The following DOCK2 variants were observed in gnomAD, a reference collection of about 807,000 sequenced individuals.
DOCK2 encodes the protein dedicator of cytokinesis 2.
DOCK2 carries 87 observed loss-of-function variants against 248.9 expected under a neutral mutation model. The observed-to-expected ratio is 0.35, with a 90% CI of 0.29 to 0.42. The LOEUF is 0.42. Ranked by LOEUF, DOCK2 falls within the 10% of genes least tolerant of loss-of-function variation. The pLI, the probability that DOCK2 is intolerant of heterozygous loss-of-function variation, is 1.00. For missense variants in DOCK2, 1,747 were observed against 2,300.2 expected (o/e 0.76, Z 4.92); for synonymous variants, 805 against 821.6 (o/e 0.98, Z 0.35).
chr5:169,654,801 T>C (rs1758011677), intron 2 of DOCK2, among the ~76,000 whole-genome samples: 1 of 152,182 alleles, frequency 6.6e-6, no homozygotes, highest in Non-Finnish European at 1.5e-5. Flanking sequence ...TAAAGGGAAA[T>C]AAGCATCATT....
chr5:169,935,327 G>A (rs960747469), intron 27 of DOCK2, among the ~76,000 whole-genome samples: 1 of 152,218 alleles, frequency 6.6e-6, no homozygotes, highest in African/African-American at 2.4e-5. Context: ...CCATGCCTGT[G>A]TAGGGAAACT....
intron 47 of DOCK2, 62 bp downstream of exon 47, chr5:170,076,146 C>T: frequency 6.4e-7 from 1 of 1,572,244 alleles, no homozygotes; most frequent in South Asian, 1.2e-5. Flanking sequence ...GGGAAGCATG[C>T]TGGAGGCTGA....
At position 169,684,258 on chromosome 5, in the gene DOCK2, C is replaced by T; in HGVS notation, c.669C>T (p.Leu223=). ...TCTCCTCATCCCCCACCCATAGCCTCTATGTGTTTGTGAGAAACTTTGTGT... is the reference window on the plus strand; with the variant it reads ...TCTCCTCATCCCCCACCCATAGCCTTTATGTGTTTGTGAGAAACTTTGTGT... The part of the protein sequence containing the change: ...SRISSSPTHS[L]YVFVRNFVCR... Residue 223 remains leucine (L), a synonymous_variant, in exon 8 of 52, where the codon CTC becomes CTT. Coordinates refer to ENST00000520908, the MANE Select transcript of DOCK2 (RefSeq NM_004946.3). The T allele has an allele frequency of 1.2e-6, 2 of 1,614,176 alleles. No homozygotes were observed. Among genetic ancestry groups the T allele is most frequent in the Non-Finnish European group, 8.5e-7 (1 of 1,180,018 alleles).
chr5:170,057,835 T>TC (rs1757188257), intron 44 of DOCK2, among the ~76,000 whole-genome samples, 169 bp downstream of exon 44: 1 of 90,370 alleles, frequency 1.1e-5, no homozygotes, highest in Non-Finnish European at 2.4e-5. Context: ...CCTTTCAGAT[T>TC]TTTTTTTTTT....
intron 25 of DOCK2, among the ~76,000 whole-genome samples, chr5:169,799,852 G>T (rs1766861986): frequency 6.6e-6 from 1 of 152,050 alleles, no homozygotes; most frequent in South Asian, 2.1e-4. Flanking sequence ...CTGTCGCCCA[G>T]GCTGGTGTGT....
intron 27 of DOCK2, among the ~76,000 whole-genome samples, chr5:169,900,457 G>A (rs1773858835): frequency 6.6e-6 from 1 of 152,190 alleles, no homozygotes; most frequent in African/African-American, 2.4e-5. Context: ...AATGTCAGGA[G>A]AAGACTGGCT....
intron 26 of DOCK2, among the ~76,000 whole-genome samples, chr5:169,827,286 G>A (rs957338608): frequency 6.6e-6 from 1 of 152,032 alleles, no homozygotes; most frequent in Non-Finnish European, 1.5e-5. Flanking sequence ...GCAGGGGGTT[G>A]GAGAGGAGCT....
At chr5:170,022,692 G>A (rs1755771723) in intron 33 of DOCK2, among the ~76,000 whole-genome samples, 1 of 152,062 alleles carries the variant, frequency 6.6e-6, no homozygotes, top group South Asian at 2.1e-4. Flanking sequence ...CCTGGATTGA[G>A]CGGTCATCAC....
At chr5:169,979,027 A>T (rs1458876508) in intron 27 of DOCK2, among the ~76,000 whole-genome samples, 1 of 152,220 alleles carries the variant, frequency 6.6e-6, no homozygotes, top group African/African-American at 2.4e-5. Context: ...CCATCCTGGC[A>T]TGCTGCTTGG....
At chr5:169,734,255 T>C (rs1762924392) in intron 22 of DOCK2, among the ~76,000 whole-genome samples, 1 of 152,140 alleles carries the variant, frequency 6.6e-6, no homozygotes, top group South Asian at 2.1e-4. Context: ...TTTGTTTTTA[T>C]AATATTTTGT....
intron 33 of DOCK2, 31 bp downstream of exon 33, chr5:170,019,139 C>G (rs750534949): frequency 1.9e-6 from 3 of 1,613,524 alleles, no homozygotes; most frequent in Non-Finnish European, 2.5e-6. Context: ...CTCATGCCAG[C>G]ATGCCTAATC....
At chr5:169,934,748 A>C (rs1486272818) in intron 27 of DOCK2, 1 of 455,826 alleles carries the variant, frequency 2.2e-6, no homozygotes, top group Non-Finnish European at 4.4e-6. Flanking sequence ...TCACGGGATC[A>C]GTGCTCAGTA....
chr5:170,064,390 C>T (rs538231765), intron 44 of DOCK2, among the ~76,000 whole-genome samples: 15 of 151,640 alleles, frequency 9.9e-5, no homozygotes, highest in South Asian at 4.2e-4. Context: ...AAGAACAAAC[C>T]GAGAATTCTA....
intron 27 of DOCK2, among the ~76,000 whole-genome samples, chr5:169,961,978 C>CTAAA (rs1777104664): frequency 1.3e-5 from 1 of 74,654 alleles, no homozygotes; most frequent in African/African-American, 6.8e-5. Flanking sequence ...GACTCTGTCC[C>CTAAA]AAAAAAAAAA....
intron 29 of DOCK2, among the ~76,000 whole-genome samples, chr5:169,995,752 GTTTA>G (rs1409376554): frequency 3.3e-5 from 5 of 152,108 alleles, no homozygotes; most frequent in African/African-American, 7.2e-5. Context: ...GTAGCAGGTT[GTTTA>G]TTTGTTTGTT....
intron 25 of DOCK2, among the ~76,000 whole-genome samples, chr5:169,772,558 G>A (rs142614682): frequency 1.3e-5 from 2 of 152,300 alleles, no homozygotes; most frequent in African/African-American, 2.4e-5. Context: ...ACAGTTGTGA[G>A]ATCTTGGGCA....
At chr5:169,743,935 A>C in intron 22 of DOCK2, among the ~76,000 whole-genome samples, 1 of 149,430 alleles carries the variant, frequency 6.7e-6, no homozygotes, top group East Asian at 1.9e-4. Flanking sequence ...ATATTATTAT[A>C]TATATATATG....
intron 1 of DOCK2, among the ~76,000 whole-genome samples, chr5:169,648,230 G>A (rs773870122): frequency 1.3e-5 from 2 of 152,098 alleles, no homozygotes; most frequent in Non-Finnish European, 2.9e-5. Flanking sequence ...ACTGTAGGAT[G>A]TTTAGCAGCA....
chr5:169,828,340 G>A (rs965590735), intron 26 of DOCK2, among the ~76,000 whole-genome samples: 2 of 152,176 alleles, frequency 1.3e-5, no homozygotes, highest in African/African-American at 4.8e-5. Flanking sequence ...TAAGCAGAGC[G>A]GTCAGTGAGA....
Sources: allele counts gnomAD v4.1 joint callset (sites outside exome capture counted in the v4.1 genomes callset), GRCh38; gene constraint gnomAD v4.1.1; transcripts MANE v1.5; gene names NCBI Gene and HGNC (gene_info 2026-07-23, HGNC 2026-07-21).